Variants in CRB1 observed in about 807,000 individuals in gnomAD.
CRB1 encodes crumbs cell polarity complex component 1, also known as protein crumbs homolog 1.
CRB1 carries 83 observed loss-of-function variants against 120.0 expected under a neutral mutation model. That is an observed-to-expected ratio of 0.69 (90% CI 0.58 to 0.83). CRB1 has a LOEUF of 0.83. Ranked by LOEUF, CRB1 falls within the 40% of genes least tolerant of loss-of-function variation. The probability of loss-of-function intolerance (pLI) is 0.00; values close to 1 mark genes in which losing one functional copy is unlikely to be tolerated. For missense variants in CRB1, 1,699 were observed against 1,687.6 expected, an observed-to-expected ratio of 1.01 and a Z score of -0.12; for synonymous variants, 625 against 612.5, an observed-to-expected ratio of 1.02 and a Z score of -0.30.
At chr1:197,404,623 T>C (rs531767762) in intron 5 of CRB1, among the ~76,000 whole-genome samples, 1 of 152,332 alleles carries the variant, frequency 6.6e-6, no homozygotes, top group East Asian at 1.9e-4. Flanking sequence ...CTGTTACTAT[T>C]GTGTTACCTC....
chr1:197,353,904 T>C (rs1660262234), intron 4 of CRB1, among the ~76,000 whole-genome samples: 1 of 149,606 alleles, frequency 6.7e-6, no homozygotes, highest in Non-Finnish European at 1.5e-5. Flanking sequence ...CAGTGTTATA[T>C]GTGCATCCTA....
chr1:197,359,816 C>A (rs1471644455), intron 5 of CRB1, among the ~76,000 whole-genome samples: 2 of 152,136 alleles, frequency 1.3e-5, no homozygotes, highest in Non-Finnish European at 2.9e-5. Context: ...TGATATATCA[C>A]TGTGGTTTTA....
chr1:197,355,044 AT>A (rs1660386504), intron 4 of CRB1, among the ~76,000 whole-genome samples: 1 of 151,788 alleles, frequency 6.6e-6, no homozygotes, highest in Admixed American at 6.6e-5. Flanking sequence ...GTCCCACTAG[AT>A]TAGCTAGATA....
At chr1:197,237,643 A>G in the CRB1 span, among the ~76,000 whole-genome samples, 3 of 152,182 alleles carry the variant, frequency 2.0e-5, no homozygotes, top group Non-Finnish European at 4.4e-5. Context: ...AAGTTATCAT[A>G]TTTGTAGACA....
chr1:197,441,101 G>A (rs955370056), intron 10 of CRB1: 4 of 152,038 alleles, frequency 2.6e-5, no homozygotes, highest in South Asian at 2.1e-4. Context: ...TGACCCATAC[G>A]TGCAAGTTTT....
At chr1:197,263,969 T>C (rs1056757409), upstream of CRB1, among the ~76,000 whole-genome samples, 14 of 151,766 alleles carry the variant, frequency 9.2e-5, no homozygotes, top group African/African-American at 3.4e-4. Context: ...TACATTCTTT[T>C]ATCTCTTAAA....
intron 1 of CRB1, among the ~76,000 whole-genome samples, chr1:197,327,120 A>AC (rs149250421): frequency 0.14 from 10,100 of 70,728 alleles, 525 homozygotes; most frequent in East Asian, 0.24. Flanking sequence ...AAAAAAAAAA[A>AC]AAAAAAAAAA....
intron 5 of CRB1, among the ~76,000 whole-genome samples, chr1:197,391,890 A>G (rs956014439): frequency 1.3e-5 from 2 of 152,122 alleles, no homozygotes; most frequent in Non-Finnish European, 2.9e-5. Context: ...GGATAGAGTC[A>G]GTATCTGAGA....
chr1:197,305,812 T>C (rs980277000), intron 1 of CRB1, among the ~76,000 whole-genome samples: 2 of 151,702 alleles, frequency 1.3e-5, no homozygotes, highest in African/African-American at 4.8e-5. Flanking sequence ...ATTCCTCTAT[T>C]CTTTATATTT....
chr1:197,316,477 C>A (rs1657852534), intron 1 of CRB1, among the ~76,000 whole-genome samples: 1 of 152,152 alleles, frequency 6.6e-6, no homozygotes, highest in African/African-American at 2.4e-5. Context: ...GCCACCGCGC[C>A]CGTCCCAGAT....
At chr1:197,297,662 T>C (rs954174389) in intron 1 of CRB1, among the ~76,000 whole-genome samples, 1 of 152,018 alleles carries the variant, frequency 6.6e-6, no homozygotes, top group African/African-American at 2.4e-5. Flanking sequence ...CAAGTAGAGA[T>C]CTGATGATTG....
the CRB1 span, among the ~76,000 whole-genome samples, chr1:197,216,034 A>G: frequency 3.9e-4 from 60 of 152,278 alleles, no homozygotes; most frequent in South Asian, 0.012. Context: ...GAGTTGGAAG[A>G]TCCTTAAATT....
intron 1 of CRB1, among the ~76,000 whole-genome samples, chr1:197,314,554 T>A (rs1356505725): frequency 6.6e-6 from 1 of 152,238 alleles, no homozygotes; most frequent in Non-Finnish European, 1.5e-5. Flanking sequence ...ATATTGGACA[T>A]TCAGACGATA....
chr1:197,442,615 G>GAA (rs942024606), intron 11 of CRB1: 2 of 1,173,212 alleles, frequency 1.7e-6, no homozygotes, highest in Non-Finnish European at 2.3e-6. Context: ...CTTTAAATAT[G>GAA]AAAAAAGTGT....
intron 4 of CRB1, among the ~76,000 whole-genome samples, chr1:197,353,913 T>C (rs1348919835): frequency 6.7e-6 from 1 of 148,338 alleles, no homozygotes; most frequent in Non-Finnish European, 1.5e-5. Flanking sequence ...ATGTGCATCC[T>C]ACTAAATTTA....
chr1:197,431,281 A>G (rs571671311), intron 8 of CRB1, among the ~76,000 whole-genome samples: 2 of 152,254 alleles, frequency 1.3e-5, no homozygotes, highest in South Asian at 2.1e-4. Context: ...ATTACACTGT[A>G]TATACACTTG....
chr1:197,240,081 C>T, the CRB1 span, among the ~76,000 whole-genome samples: 1 of 151,766 alleles, frequency 6.6e-6, no homozygotes, highest in African/African-American at 2.4e-5. Flanking sequence ...ATAATTTTTG[C>T]TTCAGTGATT....
chr1:197,256,932 C>CGTGTGTGTGTGTGT, the CRB1 span, among the ~76,000 whole-genome samples: 14 of 141,400 alleles, frequency 9.9e-5, no homozygotes, highest in African/African-American at 3.4e-4. Flanking sequence ...ATAGGATTTG[C>CGTGTGTGTGTGTGT]GTGTGTGTGT....
At chr1:197,242,117 C>T in the CRB1 span, among the ~76,000 whole-genome samples, 1 of 152,092 alleles carries the variant, frequency 6.6e-6, no homozygotes, top group Non-Finnish European at 1.5e-5. Flanking sequence ...TCTAAATATA[C>T]AATTATGTCA....
Sources: gnomAD v4.1 joint callset for allele counts (sites outside exome capture counted in the v4.1 genomes callset) on GRCh38, gnomAD v4.1.1 for gene constraint, MANE v1.5 for transcripts, NCBI Gene and HGNC (gene_info 2026-07-23, HGNC 2026-07-21) for gene names.